The following OXA1L variants were observed in gnomAD, a reference collection of about 807,000 sequenced individuals.
OXA1L encodes mitochondrial inner membrane protein OXA1L.
A neutral mutation model predicts 52.2 loss-of-function variants in OXA1L; 42 were observed. The observed-to-expected ratio is 0.80, with a 90% confidence interval of 0.63 to 1.04. The LOEUF is 1.04. Ranked by LOEUF, OXA1L falls within the 50% of genes least tolerant of loss-of-function variation. The pLI is 0.00. For missense variants in OXA1L, 572 were observed against 555.0 expected, an observed-to-expected ratio of 1.03 and a Z score of -0.31; for synonymous variants, 239 against 201.9, an observed-to-expected ratio of 1.18 and a Z score of -1.56.
rs1225215912 is a variant in OXA1L, at chr14:22,766,734, G to C, written c.33G>C (p.Glu11Asp). 1.2e-6 allele frequency: 2 copies of C among 1,614,156 alleles called. No individual in the cohort carries two copies. Among genetic ancestry groups the C allele is most frequent in the Non-Finnish European group, 1.7e-6 (2 of 1,180,064 alleles). The change falls in exon 1 of 10, where the codon GAG becomes GAC. Residue 11 changes from glutamate to aspartate, a missense_variant. Physicochemically the swap from Glu to Asp is conservative, Grantham distance 45. Transcript: ENST00000612549. MAMGLMCGRR[E>D]LLRLLQSGRR... is the part of the protein sequence containing the mutation. ...TGGGACTAATGTGCGGACGCCGGGA[G>C]CTTCTGCGCTTGCTACAGTCCGGGC...
Position 22,766,837 on chromosome 14 carries a change from C to T in OXA1L, c.63+73C>T, listed in dbSNP as rs1488568175. ...GAACCAGGCCCCAGGACAGCTCGTG[C>T]TAGGGGTATCAGCAGACGCTGACCT... On this transcript the variant is annotated intron_variant, in intron 1 of 9. Coordinates refer to ENST00000612549, the MANE Select transcript of OXA1L (RefSeq NM_005015.5). 3 of 1,593,914 alleles carry T rather than the reference C, an allele frequency of 1.9e-6. No individual in the cohort carries two copies. The African/African-American group carries it at 4.0e-5, about 21-fold the overall frequency.
chr14:22,768,841 AT>A (rs1260838923), intron 3 of OXA1L: 2 of 152,314 alleles, frequency 1.3e-5, no homozygotes, highest in African/African-American at 4.8e-5. Flanking sequence ...TAATAATCAC[AT>A]TATGGAGAAT....
Position 22,771,258 on chromosome 14 carries a change from C to T in OXA1L, c.1103-10C>T, listed in dbSNP as rs891631801. On this transcript the variant is annotated splice_polypyrimidine_tract_variant and intron_variant, in intron 8 of 9. Coordinates refer to ENST00000612549, the MANE Select transcript of OXA1L (RefSeq NM_005015.5). ...GAATGCAACTGACTCTCTTGCTTCTCTTTACACAGGCTGGAAAAATGCTGA... is the reference window on the plus strand; with the variant it reads ...GAATGCAACTGACTCTCTTGCTTCTTTTTACACAGGCTGGAAAAATGCTGA... 2 of 1,613,864 alleles carry T rather than the reference C, an allele frequency of 1.2e-6. No individual in the cohort carries two copies. Among genetic ancestry groups the T allele is most frequent in the African/African-American group, 2.7e-5 (2 of 74,936 alleles).
rs768209892 is a variant in OXA1L at position 22,767,316 on chromosome 14, A to G, written c.132A>G (p.Ala44=). Residue 44 remains alanine, a synonymous_variant, in exon 2 of 10, where the codon GCA becomes GCG. Coordinates refer to ENST00000612549, the MANE Select transcript of OXA1L (RefSeq NM_005015.5). ...TGACCACACGGCTCCTATTCCCAGC[A>G]GCCCCGTGCTGCTGTCGCCCACACT... ...KPLTTRLLFP[A]APCCCRPHYL... 2 of 1,613,686 alleles carry G rather than the reference A, an allele frequency of 1.2e-6. No individual in the cohort carries two copies. The highest frequency in any genetic ancestry group is 2.7e-5 in the African/African-American group (2 of 74,928).
intron 7 of OXA1L, 31 bp downstream of exon 7, chr14:22,770,940 G>A: frequency 6.2e-7 from 1 of 1,612,334 alleles, no homozygotes; most frequent in African/African-American, 1.3e-5. Flanking sequence ...TGGCTCCAAG[G>A]CCTTCTGCCT....
At chr14:22,766,961 G>A (rs1375647752) in intron 1 of OXA1L, 197 bp downstream of exon 1, 33 of 1,520,648 alleles carry the variant, frequency 2.2e-5, no homozygotes, top group Non-Finnish European at 2.7e-5. Context: ...TCAGCTTCTG[G>A]AATTGGCTTG....
Position 22,768,059 on chromosome 14 carries a change from G to C in OXA1L, c.327G>C (p.Gln109His). The C allele has an allele frequency of 6.2e-7, 1 of 1,614,220 alleles. No individual in the cohort carries two copies. Among genetic ancestry groups the C allele is most frequent in the South Asian group, 1.1e-5 (1 of 91,090 alleles). ...TADVVQTAAE[Q>H]SFAELGLGSY... ...ATGTAGTCCAAACTGCTGCAGAGCAGAGCTTCGCTGAACTGGGGCTGGGGT... is the reference window on the plus strand; with the variant it reads ...ATGTAGTCCAAACTGCTGCAGAGCACAGCTTCGCTGAACTGGGGCTGGGGT... The change falls in exon 3 of 10, where the codon CAG becomes CAC. Residue 109 changes from glutamine to histidine, a missense_variant. Coordinates refer to ENST00000612549, the MANE Select transcript of OXA1L (RefSeq NM_005015.5).
rs748222558 is a variant in OXA1L at position 22,770,919 on chromosome 14, GC to G, written c.939+12del. The G allele has an allele frequency of 1.1e-5, 18 of 1,613,286 alleles. No individual in the cohort carries two copies. The highest frequency in any genetic ancestry group is 1.4e-5 in the Non-Finnish European group (17 of 1,179,214). On this transcript the variant is annotated intron_variant, in intron 7 of 9. Coordinates refer to ENST00000612549, the MANE Select transcript of OXA1L (RefSeq NM_005015.5). ...CATGCATTTCCCCACGGTATGTAATGCCTTATGGGCTGGCTCCAAGGCCTTC... is the reference window on the plus strand; with the variant it reads ...CATGCATTTCCCCACGGTATGTAATGCTTATGGGCTGGCTCCAAGGCCTTC...
intron 7 of OXA1L, 32 bp from the exon 8 acceptor site, chr14:22,770,986 C>T (rs1435547401): frequency 1.2e-6 from 2 of 1,613,498 alleles, no homozygotes; most frequent in East Asian, 2.2e-5. Context: ...AGGGATACAG[C>T]TTCTGAGTCC....
In OXA1L at chr14:22,771,558, A is replaced by G. The variant is rs756652040; in HGVS notation, c.1308A>G (p.Ter436TrpextTer23). The change falls in exon 10 of 10, where the codon TGA becomes TGG. Residue 436 changes from the stop codon to tryptophan (W), a stop_lost. Coordinates refer to ENST00000612549, the MANE Select transcript of OXA1L (RefSeq NM_005015.5). The part of the protein sequence containing the change: ...SKYPWHDTLG[*>W] ...ATCCCTGGCACGACACACTTGGCTGACTTATGTTCTGTGCGCATTCTGGCA... is the reference window on the plus strand; with the variant it reads ...ATCCCTGGCACGACACACTTGGCTGGCTTATGTTCTGTGCGCATTCTGGCA... 1.9e-6 allele frequency: 3 copies of G among 1,614,206 alleles called. No individual in the cohort carries two copies. Among genetic ancestry groups the G allele is most frequent in the Non-Finnish European group, 1.7e-6 (2 of 1,180,016 alleles).
Position 22,767,340 on chromosome 14 carries a change from C to T in OXA1L, c.156C>T (p.His52=). 1 of 1,613,968 alleles carries T rather than the reference C, an allele frequency of 6.2e-7. No homozygotes were observed. Among genetic ancestry groups the T allele is most frequent in the Non-Finnish European group, 8.5e-7 (1 of 1,179,942 alleles). Reference sequence around the variant, plus strand: ...CAGCCCCGTGCTGCTGTCGCCCACACTACCTCTTCCTTGCGGCTTCCGGCC... The same window carrying T: ...CAGCCCCGTGCTGCTGTCGCCCACATTACCTCTTCCTTGCGGCTTCCGGCC... ...FPAAPCCCRP[H]YLFLAASGPR... The change falls in exon 2 of 10, where the codon CAC becomes CAT. Residue 52 remains histidine (H), a synonymous_variant. Transcript: ENST00000612549.
rs747777190 is a variant in OXA1L, at chr14:22,771,151, G to T, written c.1073G>T (p.Arg358Leu). The change falls in exon 8 of 10, where the codon CGG becomes CTG. Residue 358 changes from arginine (R) to leucine (L), a missense_variant. By Grantham distance (102) the Arg-to-Leu change is moderately radical. Coordinates refer to ENST00000612549, the MANE Select transcript of OXA1L (RefSeq NM_005015.5). The part of the protein sequence containing the change: ...VVHDLDKLPP[R>L]EGFLESFKKG... ...CATGACCTGGACAAATTACCTCCAC[G>T]GGAAGGCTTCCTAGAGAGCTTCAAA... 2 of 1,614,098 alleles carry T rather than the reference G, an allele frequency of 1.2e-6. No homozygotes were observed. Among genetic ancestry groups the T allele is most frequent in the Non-Finnish European group, 8.5e-7 (1 of 1,179,990 alleles).
In OXA1L at chr14:22,770,569, G is replaced by A. The variant is rs754676621; in HGVS notation, c.778G>A (p.Asp260Asn). Reference sequence around the variant, plus strand: ...GTGGTTCCAGGATCTCACGGTATCCGATCCCATCTACATATTACCACTGGC... The same window carrying A: ...GTGGTTCCAGGATCTCACGGTATCCAATCCCATCTACATATTACCACTGGC... The part of the protein sequence containing the change: ...LWWFQDLTVS[D>N]PIYILPLAVT... The change falls in exon 6 of 10, where the codon GAT becomes AAT. Residue 260 changes from aspartate (D) to asparagine (N), a missense_variant. By Grantham distance (23) the Asp-to-Asn change is conservative. Around this residue, in one of 5 missense-constraint regions of OXA1L, gnomAD observed 244 missense variants for 240.2 expected, o/e 1.02. Coordinates refer to ENST00000612549, the MANE Select transcript of OXA1L (RefSeq NM_005015.5). 20 of 1,614,110 alleles carry A rather than the reference G, an allele frequency of 1.2e-5. No individual in the cohort carries two copies. Among genetic ancestry groups the A allele is most frequent in the East Asian group, 4.5e-5 (2 of 44,888 alleles).
At position 22,768,137 on chromosome 14, in the gene OXA1L, T is replaced by C. The variant is rs549435415; in HGVS notation, c.405T>C (p.Asp135=). Residue 135 remains aspartate, a synonymous_variant, in exon 3 of 10, where the codon GAT becomes GAC. Transcript: ENST00000612549. ...IQNLLEFMHV[D]LGLPWWGAIA... ...ATTTACTGGAATTTATGCATGTTGA[T>C]CTGGGCCTACCTTGGTGGGGGGCCA... 2.5e-6 allele frequency: 4 copies of C among 1,614,078 alleles called. No homozygotes were observed. Among genetic ancestry groups the C allele is most frequent in the Admixed American group, 1.7e-5 (1 of 60,000 alleles).
At chr14:22,767,216 A>G (rs2038414628) in intron 1 of OXA1L, 32 bp from the exon 2 acceptor site, 2 of 1,586,796 alleles carry the variant, frequency 1.3e-6, no homozygotes, top group Admixed American at 1.8e-5. Context: ...TGCTCCCGGT[A>G]AAGGGGCTCC....
Position 22,768,158 on chromosome 14 carries a change from G to A in OXA1L, c.426G>A (p.Gly142=). The A allele has an allele frequency of 6.2e-7, 1 of 1,613,710 alleles. No individual in the cohort carries two copies. The highest frequency in any genetic ancestry group is 8.5e-7 in the Non-Finnish European group (1 of 1,179,618). ...MHVDLGLPWW[G]AIAACTVFAR... ...TTGATCTGGGCCTACCTTGGTGGGG[G>A]GCCATTGCTGCATGTAAGGGGAATA... Residue 142 remains glycine, a synonymous_variant, in exon 3 of 10, where the codon GGG becomes GGA. Transcript: ENST00000612549.
intron 1 of OXA1L, 133 bp from the exon 2 acceptor site, chr14:22,767,115 T>A: frequency 6.5e-7 from 1 of 1,534,202 alleles, no homozygotes; most frequent in Non-Finnish European, 8.7e-7. Flanking sequence ...CTGCGCGCGG[T>A]GATAGCAATG....
chr14:22,770,729 G>A, intron 6 of OXA1L, 76 bp from the exon 7 acceptor site: 1 of 1,542,300 alleles, frequency 6.5e-7, no homozygotes, highest in East Asian at 2.3e-5. Context: ...AGAAAGAGTT[G>A]ATGGGTAAGA....
chr14:22,767,193 A>G (rs1198738676), intron 1 of OXA1L, 55 bp from the exon 2 acceptor site: 7 of 1,571,926 alleles, frequency 4.5e-6, no homozygotes, highest in Non-Finnish European at 6.0e-6. Flanking sequence ...GTTTGCACCC[A>G]CGCGAGGACT....
Sources: gnomAD v4.1 joint callset for allele counts on GRCh38, gnomAD v4.1.1 for gene constraint, gnomAD v4.1.1 regional missense constraint, MANE v1.5 for transcripts, NCBI Gene and HGNC (gene_info 2026-07-23, HGNC 2026-07-21) for gene names.